TRMT11: variants seen among roughly 807,000 people sequenced by gnomAD.
TRMT11 encodes tRNA (guanine(10)-N(2))-methyltransferase TRMT11.
TRMT11 carries 53 observed loss-of-function variants against 62.8 expected under a neutral mutation model. That is an observed-to-expected ratio of 0.84 (90% confidence interval 0.68 to 1.06). TRMT11 has a LOEUF of 1.06. Among genes scored for constraint, TRMT11 ranks in the 50% least tolerant of loss-of-function variants. The probability of loss-of-function intolerance (pLI) is 0.00; values close to 1 mark genes in which losing one functional copy is unlikely to be tolerated. For synonymous variants in TRMT11, 188 were observed against 190.3 expected (o/e 0.99, Z 0.10); for missense variants, 556 against 553.4 (o/e 1.00, Z -0.05).
At chr6:126,245,744 G>C in the TRMT11 span, among the ~76,000 whole-genome samples, 1 of 152,166 alleles carries the variant, frequency 6.6e-6, no homozygotes, top group Non-Finnish European at 1.5e-5. Context: ...CCTCTCTAGA[G>C]TTTTAGTCTC....
In TRMT11 at chr6:126,055,336, C is replaced by T. The variant is rs1368807532; in HGVS notation, c.*1437+2146C>T. Among the ~76,000 whole-genome samples, 3 of 152,198 alleles carry T rather than the reference C, an allele frequency of 2.0e-5. No homozygotes were observed. The South Asian group carries it at 6.2e-4, about 32-fold the overall frequency. ...ACAGCATGGAATCCTCTAGCCCTTG[C>T]TTGTGGCCCGCCTGGTTTTCTCTAA... is the stretch of plus-strand genomic sequence containing the variant. On this transcript the variant is annotated intron_variant and NMD_transcript_variant, in intron 17 of 22. Transcript: ENST00000648977.
chr6:126,141,688 G>A (rs1777918648), intron 21 of TRMT11, among the ~76,000 whole-genome samples: 1 of 152,074 alleles, frequency 6.6e-6, no homozygotes, highest in Non-Finnish European at 1.5e-5. Flanking sequence ...TATATATGGT[G>A]TATATTCAGT....
At chr6:126,174,015 T>C (rs1778358117), upstream of TRMT11, among the ~76,000 whole-genome samples, 2 of 152,144 alleles carry the variant, frequency 1.3e-5, no homozygotes, top group African/African-American at 2.4e-5. Flanking sequence ...CAAAGTGTGT[T>C]CCTAGGAGCT....
At position 126,154,339 on chromosome 6, in the gene TRMT11, A is replaced by ATGTATGTG. The variant is rs543087570; in HGVS notation, c.*1824-20483_*1824-20482insATGTGTGT. On this transcript the variant is annotated intron_variant and NMD_transcript_variant, in intron 21 of 22. Coordinates refer to the TRMT11 transcript ENST00000648977. ...GTAATAAAGATATGTGTGTGTGTGT[A>ATGTATGTG]TGTGTGTGTGTGTGTGTGTGTGTGT... Among the ~76,000 whole-genome samples the ATGTATGTG allele has an allele frequency of 3.9e-3, 482 of 122,940 alleles. 1 individual carries two copies. Among genetic ancestry groups the ATGTATGTG allele is most frequent in the African/African-American group, 0.013 (452 of 36,070 alleles). 80.7% of individuals were successfully genotyped at this position (122,940 alleles called of 152,430 possible).
chr6:126,012,940 T>A (rs1296635608), intron 10 of TRMT11, 30 bp from the exon 11 acceptor site: 1 of 1,608,454 alleles, frequency 6.2e-7, no homozygotes, highest in South Asian at 1.1e-5. Context: ...AATTTTTCAC[T>A]GATTTTGAAA....
At chr6:126,135,379 A>C (rs973817677) in intron 21 of TRMT11, among the ~76,000 whole-genome samples, 1 of 151,804 alleles carries the variant, frequency 6.6e-6, no homozygotes, top group Non-Finnish European at 1.5e-5. Flanking sequence ...AAAAAATTAG[A>C]AAACTTAGAA....
intron 16 of TRMT11, among the ~76,000 whole-genome samples, chr6:126,051,068 G>A (rs1776204415): frequency 6.6e-6 from 1 of 152,230 alleles, no homozygotes; most frequent in African/African-American, 2.4e-5. Flanking sequence ...ATGGTTCCAA[G>A]AGGAGGTGTT....
downstream of TRMT11, among the ~76,000 whole-genome samples, chr6:126,205,287 G>A (rs1206416223): frequency 6.6e-6 from 1 of 152,126 alleles, no homozygotes; most frequent in African/African-American, 2.4e-5. Context: ...GGCAGGTCAC[G>A]AGGTCAGGAG....
At chr6:126,010,891 T>A (rs984741254) in intron 8 of TRMT11, among the ~76,000 whole-genome samples, 3 of 152,096 alleles carry the variant, frequency 2.0e-5, no homozygotes, top group African/African-American at 7.2e-5. Context: ...TTCATTTCTG[T>A]TTCATTTATC....
intron 17 of TRMT11, among the ~76,000 whole-genome samples, chr6:126,055,371 C>T (rs1360177958): frequency 1.3e-5 from 2 of 152,216 alleles, no homozygotes; most frequent in African/African-American, 4.8e-5. Context: ...ACACTCCCTG[C>T]CTGCTTCTCC....
intron 7 of TRMT11, among the ~76,000 whole-genome samples, chr6:126,004,299 T>G (rs971487478): frequency 6.6e-6 from 1 of 152,028 alleles, no homozygotes; most frequent in Admixed American, 6.6e-5. Flanking sequence ...TGCTTCTGTT[T>G]GCTTTAGGGC....
intron 21 of TRMT11, among the ~76,000 whole-genome samples, chr6:126,140,051 A>T (rs1777899947): frequency 6.6e-6 from 1 of 152,044 alleles, no homozygotes; most frequent in Non-Finnish European, 1.5e-5. Context: ...ACATATTTCC[A>T]CTAGTGACAT....
intron 1 of TRMT11, among the ~76,000 whole-genome samples, chr6:126,195,986 G>A (rs1778661839): frequency 6.6e-6 from 1 of 152,106 alleles, no homozygotes; most frequent in Non-Finnish European, 1.5e-5. Context: ...CACTAAGAAT[G>A]GCAAATCAGG....
At chr6:126,242,729 A>T in the TRMT11 span, among the ~76,000 whole-genome samples, 2 of 152,232 alleles carry the variant, frequency 1.3e-5, no homozygotes, top group Admixed American at 1.3e-4. Context: ...CTGGTTAGCC[A>T]TATGTAGAAA....
the TRMT11 span, among the ~76,000 whole-genome samples, chr6:126,241,817 G>A: frequency 6.6e-6 from 1 of 151,164 alleles, no homozygotes; most frequent in Admixed American, 6.6e-5. Flanking sequence ...AGCTATTCAT[G>A]GACAATATCA....
intron 17 of TRMT11, among the ~76,000 whole-genome samples, chr6:126,110,675 C>T (rs1177171289): frequency 2.0e-5 from 3 of 151,532 alleles, no homozygotes; most frequent in African/African-American, 4.8e-5. Context: ...GAAACATGTG[C>T]GTGTGTGTGT....
chr6:126,255,896 C>G, the TRMT11 span, among the ~76,000 whole-genome samples: 1 of 152,148 alleles, frequency 6.6e-6, no homozygotes, highest in Non-Finnish European at 1.5e-5. Context: ...TGTGACAAGT[C>G]AGCCCAAAAC....
At chr6:125,998,347 A>G in intron 5 of TRMT11, 32 bp downstream of exon 5, 3 of 1,435,338 alleles carry the variant, frequency 2.1e-6, no homozygotes, top group Non-Finnish European at 1.9e-6. Context: ...AAAAACCTAC[A>G]TGATGAATGC....
At chr6:126,182,163 A>G (rs1279574707) in intron 1 of TRMT11, among the ~76,000 whole-genome samples, 2 of 152,208 alleles carry the variant, frequency 1.3e-5, no homozygotes, top group East Asian at 3.8e-4. Flanking sequence ...GGTGCATCAA[A>G]GCAGAATGGG....
Sources: allele counts gnomAD v4.1 joint callset (sites outside exome capture counted in the v4.1 genomes callset), GRCh38; gene constraint gnomAD v4.1.1; transcripts MANE v1.5; gene names NCBI Gene and HGNC (gene_info 2026-07-23, HGNC 2026-07-21).